NRG1: variants seen among roughly 807,000 people sequenced by gnomAD.
NRG1 encodes the protein pro-neuregulin-1, membrane-bound isoform.
NRG1 carries 18 observed loss-of-function variants against 63.8 expected under a neutral mutation model. The observed-to-expected ratio is 0.28, with a 90% CI of 0.19 to 0.42. The LOEUF is 0.42. Among genes scored for constraint, NRG1 ranks in the 10% least tolerant of loss-of-function variants. The pLI is 1.00. For missense variants in NRG1, 762 were observed against 814.7 expected, an observed-to-expected ratio of 0.94 and a Z score of 0.79; for synonymous variants, 302 against 301.3, an observed-to-expected ratio of 1.00 and a Z score of -0.02.
In NRG1 at chr8:32,426,888, A is replaced by G. The variant is rs946886373; in HGVS notation, c.38-168940A>G. On this transcript the variant is annotated intron_variant, in intron 1 of 10. Transcript: ENST00000519301. The stretch of plus-strand genomic sequence containing the variant: ...GTTGCTGTTTCCTGTCTTGAAGACG[A>G]AAGTTGAGCAAAAGCAAAGGTCATC... 3.3e-5 allele frequency among the ~76,000 whole-genome samples: 5 copies of G among 152,194 alleles called. No individual in the cohort carries two copies. The South Asian group carries it at 6.2e-4, about 19-fold the overall frequency.
At chr8:31,824,751 C>T (rs2129604167) in intron 1 of NRG1, among the ~76,000 whole-genome samples, 1 of 152,220 alleles carries the variant, frequency 6.6e-6, no homozygotes, top group Non-Finnish European at 1.5e-5. Flanking sequence ...CAAAGCGTAC[C>T]ACTTCCAAAA....
At chr8:32,033,784 T>C (rs1818628049) in intron 1 of NRG1, among the ~76,000 whole-genome samples, 1 of 152,204 alleles carries the variant, frequency 6.6e-6, no homozygotes, top group Non-Finnish European at 1.5e-5. Flanking sequence ...CTTGTGACTT[T>C]TGCACATTGA....
At chr8:32,433,003 A>G (rs1168350853) in intron 1 of NRG1, among the ~76,000 whole-genome samples, 1 of 152,064 alleles carries the variant, frequency 6.6e-6, no homozygotes, top group African/African-American at 2.4e-5. Flanking sequence ...ATAGTGTACA[A>G]CTCTGCCTGT....
intron 1 of NRG1, among the ~76,000 whole-genome samples, chr8:31,893,592 A>G (rs1831323412): frequency 6.6e-6 from 1 of 151,726 alleles, no homozygotes; most frequent in South Asian, 2.1e-4. Context: ...TCATAAGAGA[A>G]AACAAGACAA....
chr8:32,674,729 A>C (rs2128902567), intron 5 of NRG1, among the ~76,000 whole-genome samples: 1 of 152,336 alleles, frequency 6.6e-6, no homozygotes, highest in Admixed American at 6.5e-5. Flanking sequence ...TTAATTTCTT[A>C]GAATTATGGA....
At chr8:32,147,787 AC>A (rs1181611448) in intron 1 of NRG1, among the ~76,000 whole-genome samples, 1 of 152,246 alleles carries the variant, frequency 6.6e-6, no homozygotes, top group Non-Finnish European at 1.5e-5. Flanking sequence ...ATGTGAAGAC[AC>A]AGGTGCCTAG....
At chr8:32,608,091 T>G (rs1440967938) in intron 3 of NRG1, among the ~76,000 whole-genome samples, 1 of 118,064 alleles carries the variant, frequency 8.5e-6, no homozygotes, top group Non-Finnish European at 1.7e-5. Context: ...AGGTTTTTTT[T>G]GTTTTTTTTT....
intron 1 of NRG1, among the ~76,000 whole-genome samples, chr8:32,463,918 G>GTTTTTTTTTT (rs200324300): frequency 7.3e-5 from 5 of 68,640 alleles, no homozygotes; most frequent in Admixed American, 1.4e-4. Flanking sequence ...TTTTTTGGGG[G>GTTTTTTTTTT]AGGGTCTCAT....
chr8:31,662,617 A>G (rs1256896272), intron 1 of NRG1, among the ~76,000 whole-genome samples: 1 of 152,100 alleles, frequency 6.6e-6, no homozygotes, highest in Non-Finnish European at 1.5e-5. Context: ...TGCAATGGTA[A>G]ATAAGTCAAG....
At chr8:31,798,087 T>C (rs1366477669) in intron 1 of NRG1, among the ~76,000 whole-genome samples, 2 of 151,880 alleles carry the variant, frequency 1.3e-5, no homozygotes, top group African/African-American at 2.4e-5. Flanking sequence ...GAGGAGAGGT[T>C]AAGAGGTTGG....
At chr8:32,691,625 T>A (rs993858500) in intron 5 of NRG1, among the ~76,000 whole-genome samples, 2 of 152,232 alleles carry the variant, frequency 1.3e-5, no homozygotes, top group Non-Finnish European at 2.9e-5. Context: ...ATTGAGCAAT[T>A]TTTTTGAAAG....
At chr8:32,267,113 GGGAA>G (rs141681722) in intron 1 of NRG1, among the ~76,000 whole-genome samples, 3,138 of 136,254 alleles carry the variant, frequency 0.023, 124 homozygotes, top group African/African-American at 0.08. Flanking sequence ...GAAGGAAGGA[GGGAA>G]GGAAGGAAGG....
At chr8:32,380,995 A>G (rs1810273620) in intron 1 of NRG1, among the ~76,000 whole-genome samples, 1 of 152,188 alleles carries the variant, frequency 6.6e-6, no homozygotes, top group Non-Finnish European at 1.5e-5. Flanking sequence ...TGATCCATGT[A>G]ACGCTAGATC....
chr8:31,931,947 A>G (rs1834900882), intron 1 of NRG1, among the ~76,000 whole-genome samples: 1 of 152,176 alleles, frequency 6.6e-6, no homozygotes, highest in Non-Finnish European at 1.5e-5. Flanking sequence ...CAGGGAGGCA[A>G]TTGCCAGAGC....
intron 1 of NRG1, among the ~76,000 whole-genome samples, chr8:32,046,910 A>G (rs1433109508): frequency 6.6e-6 from 1 of 152,104 alleles, no homozygotes; most frequent in Non-Finnish European, 1.5e-5. Flanking sequence ...TTATATGACT[A>G]TAAATTAATT....
chr8:32,761,960 A>AC (rs1444406407), intron 11 of NRG1, among the ~76,000 whole-genome samples: 1 of 138,668 alleles, frequency 7.2e-6, no homozygotes, highest in Non-Finnish European at 1.5e-5. Context: ...AATTGCTTGA[A>AC]CCCAGGAGGT....
chr8:31,767,329 G>C (rs1818170209), intron 1 of NRG1, among the ~76,000 whole-genome samples: 1 of 152,198 alleles, frequency 6.6e-6, no homozygotes, highest in South Asian at 2.1e-4. Context: ...AGAACATTTA[G>C]TTATCAGGTA....
At chr8:31,959,381 G>A (rs1222912872) in intron 1 of NRG1, among the ~76,000 whole-genome samples, 1 of 152,136 alleles carries the variant, frequency 6.6e-6, no homozygotes, top group Non-Finnish European at 1.5e-5. Flanking sequence ...CCACATTCCA[G>A]TGCCAGGCTC....
chr8:31,953,539 G>A (rs1803833475), intron 1 of NRG1, among the ~76,000 whole-genome samples: 1 of 152,126 alleles, frequency 6.6e-6, no homozygotes, highest in African/African-American at 2.4e-5. Context: ...GTGAGTCAAA[G>A]TACACAATCT....
Sources: gnomAD v4.1 joint callset for allele counts (sites outside exome capture counted in the v4.1 genomes callset) on GRCh38, gnomAD v4.1.1 for gene constraint, MANE v1.5 for transcripts, NCBI Gene and HGNC (gene_info 2026-07-23, HGNC 2026-07-21) for gene names.